CARS1: variants seen among roughly 807,000 people sequenced by gnomAD.
CARS1 encodes the protein cysteinyl-tRNA synthetase 1, also known as cysteine--tRNA ligase, cytoplasmic.
In CARS1, 48 loss-of-function variants were observed where a neutral mutation model predicts 106.2. The ratio of observed to expected loss-of-function variants is 0.45; its 90% CI spans 0.36 to 0.57. The LOEUF is 0.57. Ranked by LOEUF, CARS1 falls within the 20% of genes least tolerant of loss-of-function variation. The probability of loss-of-function intolerance (pLI) is 0.00; values close to 1 mark genes in which losing one functional copy is unlikely to be tolerated. For synonymous variants in CARS1, 409 were observed against 403.4 expected (o/e 1.01, Z -0.17); for missense variants, 968 against 1,057.2 (o/e 0.92, Z 1.17).
At chr11:3,014,855 A>C (rs1011137431) in intron 17 of CARS1, among the ~76,000 whole-genome samples, 1 of 152,242 alleles carries the variant, frequency 6.6e-6, no homozygotes, top group Admixed American at 6.5e-5. Flanking sequence ...CTCCATCCGC[A>C]TGGGGGCTCT....
In CARS1 at chr11:3,040,933, G is replaced by T; in HGVS notation, c.418C>A (p.Pro140Thr). The change falls in exon 4 of 23, where the codon CCA becomes ACA. Residue 140 changes from proline to threonine, a missense_variant. By Grantham distance (38) the Pro-to-Thr change is conservative. Transcript: ENST00000380525. The surrounding 1 kb of genome is among the most constrained non-coding windows in gnomAD (Gnocchi z 5.8). ...GKKVTWYCCG[P>T]TVYDASHMGH... Reference sequence around the variant, plus strand: ...ATGTGAGATGCGTCATAGACGGTTGGCCCACAGCAATACCACGTCACCTTT... The same window carrying T: ...ATGTGAGATGCGTCATAGACGGTTGTCCCACAGCAATACCACGTCACCTTT... The T allele has an allele frequency of 6.2e-7, 1 of 1,614,142 alleles. No individual in the cohort carries two copies. The highest frequency in any genetic ancestry group is 8.5e-7 in the Non-Finnish European group (1 of 1,180,038).
chr11:3,010,430 G>T (rs1850340961), intron 18 of CARS1, among the ~76,000 whole-genome samples: 1 of 152,278 alleles, frequency 6.6e-6, no homozygotes, highest in Non-Finnish European at 1.5e-5. Flanking sequence ...GATTGCTGGA[G>T]AGCCCTGCGC....
At chr11:3,010,951 A>G (rs1850388917) in intron 18 of CARS1, among the ~76,000 whole-genome samples, 2 of 152,190 alleles carry the variant, frequency 1.3e-5, no homozygotes, top group Admixed American at 1.3e-4. Flanking sequence ...ATCCTAGGTC[A>G]GACTTCCCAC....
rs1381802223 is a variant in CARS1 at position 3,004,534 on chromosome 11, C to T, written c.2217+832G>A. On this transcript the variant is annotated intron_variant, in intron 20 of 22. Coordinates refer to ENST00000380525, the MANE Select transcript of CARS1 (RefSeq NM_001014437.3). This position sits in a 1 kb window ranked among gnomAD's most constrained non-coding sequence, Gnocchi z 5.2. ...TTGGGGACCCACCTGCTGGTGGCAA[C>T]AGCCCCCATGGCCCACCTCCCATGG... Among the ~76,000 whole-genome samples, 1 of 152,228 alleles carries T rather than the reference C, an allele frequency of 6.6e-6. No individual in the cohort carries two copies. Among genetic ancestry groups the T allele is most frequent in the Non-Finnish European group, 1.5e-5 (1 of 68,032 alleles).
chr11:3,002,348 G>A, intron 21 of CARS1, 193 bp downstream of exon 21: 1 of 1,038,384 alleles, frequency 9.6e-7, no homozygotes, highest in East Asian at 2.4e-5. Flanking sequence ...CTTCCCCTTG[G>A]CCAGGCCTTC....
At chr11:3,055,288 T>G (rs1856089355) in intron 1 of CARS1, among the ~76,000 whole-genome samples, 1 of 152,002 alleles carries the variant, frequency 6.6e-6, no homozygotes, top group African/African-American at 2.4e-5. Flanking sequence ...AGCCTCCGAG[T>G]AGTCAGGCGC....
chr11:3,000,995 A>ACCAAGGACCCAAGGACCCAAGG lies in CARS1; in HGVS notation c.*118_*119insCCTTGGGTCCTTGGGTCCTTGG. Reference sequence around the variant, plus strand: ...CGACGACACGAACCTACATGAACACAACTCTTAATTTAGGACCCAAGGGTG... The same window carrying ACCAAGGACCCAAGGACCCAAGG: ...CGACGACACGAACCTACATGAACACACCAAGGACCCAAGGACCCAAGGACTCTTAATTTAGGACCCAAGGGTG... On this transcript the variant is annotated 3_prime_UTR_variant, in exon 23 of 23. Transcript: ENST00000380525. This position sits in a 1 kb window ranked among gnomAD's most constrained non-coding sequence, Gnocchi z 7.1. 1 of 1,163,036 alleles carries ACCAAGGACCCAAGGACCCAAGG rather than the reference A, an allele frequency of 8.6e-7. No individual in the cohort carries two copies. The highest frequency in any genetic ancestry group is 1.2e-6 in the Non-Finnish European group (1 of 810,240). The allele number at this position is 1,163,036 out of a possible 1,614,324, so 72.0% of individuals were successfully genotyped here.
chr11:3,035,357 C>G (rs1420290880), intron 7 of CARS1, among the ~76,000 whole-genome samples: 1 of 152,100 alleles, frequency 6.6e-6, no homozygotes, highest in African/African-American at 2.4e-5. Flanking sequence ...ACATTCAAAC[C>G]ACAGCAATCA....
intron 1 of CARS1, among the ~76,000 whole-genome samples, chr11:3,054,405 A>AGGTGGAGCCTT (rs1855989552): frequency 6.6e-6 from 1 of 152,250 alleles, no homozygotes; most frequent in Non-Finnish European, 1.5e-5. Context: ...CTCCACCCCA[A>AGGTGGAGCCTT]GGGTACTGCC....
In CARS1 at chr11:3,019,353, T is replaced by C; in HGVS notation, c.1267-86A>G. The stretch of plus-strand genomic sequence containing the variant: ...CTTATCACTCCAAGTTGATGGCCCT[T>C]ACATCCTCTGAACTTTATTGGAACA... On this transcript the variant is annotated intron_variant, in intron 11 of 22. Coordinates refer to ENST00000380525, the MANE Select transcript of CARS1 (RefSeq NM_001014437.3). The surrounding 1 kb of genome is among the most constrained non-coding windows in gnomAD (Gnocchi z 6.2). 7.7e-7 allele frequency: 1 copy of C among 1,294,302 alleles called. No individual in the cohort carries two copies. The highest frequency in any genetic ancestry group is 2.7e-5 in the South Asian group (1 of 36,662). 80.2% of individuals were successfully genotyped at this position (1,294,302 alleles called of 1,614,324 possible).
rs754826357 is a variant in CARS1 at position 3,047,886 on chromosome 11, G to A, written c.141C>T (p.Asp47=). 2.3e-5 allele frequency: 37 copies of A among 1,614,040 alleles called. No homozygotes were observed. The highest frequency in any genetic ancestry group is 1.1e-4 in the East Asian group (5 of 44,884). The change falls in exon 2 of 23, where the codon GAC becomes GAT. Residue 47 remains aspartate, a synonymous_variant. Transcript: ENST00000380525. ...CCGAGAGCTGCCTGAACGCGTCCAC[G>A]TCTGCCTGGGACAGTGAGTACCCCT... The part of the protein sequence containing the change: ...YVQGYSLSQA[D]VDAFRQLSAP...
chr11:3,039,411 T>G lies in CARS1; in HGVS notation c.553-119A>C, dbSNP rs1287922894. 1 of 664,852 alleles carries G rather than the reference T, an allele frequency of 1.5e-6. No individual in the cohort carries two copies. The highest frequency in any genetic ancestry group is 2.3e-5 in the Admixed American group (1 of 42,700). The allele number at this position is 664,852 out of a possible 1,614,324, so 41.2% of individuals were successfully genotyped here. On this transcript the variant is annotated intron_variant, in intron 5 of 22. Coordinates refer to ENST00000380525, the MANE Select transcript of CARS1 (RefSeq NM_001014437.3). The surrounding 1 kb of genome is among the most constrained non-coding windows in gnomAD (Gnocchi z 5.6). ...GAGGGTGAGGGTGGTGGGAGACAACTGTGGGCCCCGGACGTGCACACCATC... is the reference window on the plus strand; with the variant it reads ...GAGGGTGAGGGTGGTGGGAGACAACGGTGGGCCCCGGACGTGCACACCATC...
At chr11:3,036,116 G>C (rs77184150) in intron 7 of CARS1, among the ~76,000 whole-genome samples, 31 of 152,206 alleles carry the variant, frequency 2.0e-4, no homozygotes, top group Middle Eastern at 3.2e-3. Context: ...TTTTCCTGGT[G>C]GGGGAGAGTG....
rs570470881 is a variant in CARS1 at position 3,047,948 on chromosome 11, C to T, written c.79G>A (p.Ala27Thr). The stretch of plus-strand genomic sequence containing the variant: ...CGCGTGCTGAGGTGCTCGTTCAGGG[C>T]TTGTGCCCTGGCTGCCTCGTCACTA... ...SISDEAARAQ[A>T]LNEHLSTRSY... Residue 27 changes from alanine to threonine, a missense_variant, in exon 2 of 23, where the codon GCC becomes ACC. Ala to Thr is a moderately conservative substitution (Grantham distance 58). Coordinates refer to ENST00000380525, the MANE Select transcript of CARS1 (RefSeq NM_001014437.3). 1 of 1,614,130 alleles carries T rather than the reference C, an allele frequency of 6.2e-7. No individual in the cohort carries two copies. The highest frequency in any genetic ancestry group is 1.7e-5 in the Admixed American group (1 of 60,024).
At chr11:3,010,172 T>C (rs978545168) in intron 18 of CARS1, among the ~76,000 whole-genome samples, 1 of 152,212 alleles carries the variant, frequency 6.6e-6, no homozygotes, top group Non-Finnish European at 1.5e-5. Flanking sequence ...CCTGAGCAAG[T>C]CCTGTCCTGG....
intron 1 of CARS1, among the ~76,000 whole-genome samples, chr11:3,056,740 C>A (rs772737929): frequency 6.6e-6 from 1 of 152,200 alleles, no homozygotes; most frequent in Non-Finnish European, 1.5e-5. Context: ...CCAAAACAAC[C>A]CTTGGGCCTT....
At position 3,034,297 on chromosome 11, in the gene CARS1, T is replaced by C. The variant is rs1218279920; in HGVS notation, c.801+3753A>G. Among the ~76,000 whole-genome samples, 3 of 152,198 alleles carry C rather than the reference T, an allele frequency of 2.0e-5. No individual in the cohort carries two copies. Among genetic ancestry groups the C allele is most frequent in the Non-Finnish European group, 4.4e-5 (3 of 68,034 alleles). On this transcript the variant is annotated intron_variant, in intron 7 of 22. Transcript: ENST00000380525. This position sits in a 1 kb window ranked among gnomAD's most constrained non-coding sequence, Gnocchi z 6.3. ...ATGCAGTGGCGTGATCTCGGCTCAC[T>C]GCAACCTCCGCCTCCTGGTTTCAAG...
rs747816616 is a variant in CARS1, at chr11:3,001,252, A to T, written c.2362-4T>A. On this transcript the variant is annotated splice_region_variant and splice_polypyrimidine_tract_variant and intron_variant, in intron 22 of 22. Coordinates refer to ENST00000380525, the MANE Select transcript of CARS1 (RefSeq NM_001014437.3). ...CCATGTCATGTGTGGGCAGACCCTG[A>T]AAACCCAGAGCACAGCGGCTATTGG... 1.9e-6 allele frequency: 3 copies of T among 1,613,124 alleles called. No individual in the cohort carries two copies. In the South Asian group the frequency reaches 3.3e-5, roughly 18 times the overall value.
rs554759059 is a variant in CARS1, at chr11:3,036,636, T to C, written c.801+1414A>G. 6.6e-5 allele frequency among the ~76,000 whole-genome samples: 10 copies of C among 152,280 alleles called. No individual in the cohort carries two copies. The South Asian group carries it at 8.3e-4, about 13-fold the overall frequency. ...CGGTGGTTACGCAGAATATCAAAAATAGAATCATCACATGACCCAGCAATT... is the reference window on the plus strand; with the variant it reads ...CGGTGGTTACGCAGAATATCAAAAACAGAATCATCACATGACCCAGCAATT... On this transcript the variant is annotated intron_variant, in intron 7 of 22. Coordinates refer to ENST00000380525, the MANE Select transcript of CARS1 (RefSeq NM_001014437.3).
Sources: allele counts gnomAD v4.1 joint callset (sites outside exome capture counted in the v4.1 genomes callset), GRCh38; gene constraint gnomAD v4.1.1; non-coding constraint Gnocchi (gnomAD v3.1); transcripts MANE v1.5; gene names NCBI Gene and HGNC (gene_info 2026-07-23, HGNC 2026-07-21).